ABTB3: variants seen among roughly 807,000 people sequenced by gnomAD.
ABTB3 encodes the protein ankyrin repeat- and BTB/POZ domain-containing protein 3.
the ABTB3 span, among the ~76,000 whole-genome samples, chr12:107,573,823 C>A: frequency 6.6e-6 from 1 of 152,054 alleles, no homozygotes; most frequent in African/African-American, 2.4e-5. Context: ...CGGATGAGGC[C>A]CACCCATGTT....
the ABTB3 span, among the ~76,000 whole-genome samples, chr12:107,655,258 T>TATATAC: frequency 7.1e-6 from 1 of 141,470 alleles, no homozygotes; most frequent in South Asian, 2.1e-4. Context: ...CTCTTTCAAA[T>TATATAC]ATATATATAT....
chr12:107,354,697 A>G, the ABTB3 span, among the ~76,000 whole-genome samples: 1 of 152,164 alleles, frequency 6.6e-6, no homozygotes, highest in Admixed American at 6.5e-5. Flanking sequence ...AAGCGGTTGC[A>G]CCTTTTACAG....
the ABTB3 span, among the ~76,000 whole-genome samples, chr12:107,654,430 C>G: frequency 6.6e-6 from 1 of 152,178 alleles, no homozygotes; most frequent in Non-Finnish European, 1.5e-5. Flanking sequence ...TCCCAAGTAG[C>G]TGGGACCACA....
the ABTB3 span, among the ~76,000 whole-genome samples, chr12:107,637,667 A>G: frequency 1.3e-5 from 2 of 152,184 alleles, no homozygotes; most frequent in Admixed American, 6.5e-5. Context: ...ATGATCAGTG[A>G]CAAGGATCTC....
the ABTB3 span, among the ~76,000 whole-genome samples, chr12:107,427,810 G>T: frequency 1.3e-5 from 2 of 152,160 alleles, no homozygotes; most frequent in African/African-American, 4.8e-5. Flanking sequence ...AATGCTGACC[G>T]TCAAAATGGA....
the ABTB3 span, among the ~76,000 whole-genome samples, chr12:107,553,847 C>A: frequency 1.3e-5 from 2 of 152,052 alleles, no homozygotes; most frequent in African/African-American, 4.8e-5. Context: ...GGCTGAGGCA[C>A]AAGAATCACT....
the ABTB3 span, among the ~76,000 whole-genome samples, chr12:107,444,256 C>T: frequency 6.6e-6 from 1 of 152,202 alleles, no homozygotes; most frequent in African/African-American, 2.4e-5. Context: ...ACAGCATAGC[C>T]GAGGGGCTTA....
chr12:107,497,629 A>T, the ABTB3 span, among the ~76,000 whole-genome samples: 2 of 152,168 alleles, frequency 1.3e-5, no homozygotes, highest in African/African-American at 4.8e-5. Context: ...ACCTGACACT[A>T]AGAAGGTTTT....
At chr12:107,617,064 C>T in the ABTB3 span, 2 of 1,610,752 alleles carry the variant, frequency 1.2e-6, no homozygotes, top group South Asian at 1.1e-5. Context: ...CTCTCACCGT[C>T]TCAATGGCCG....
chr12:107,612,952 A>G, the ABTB3 span: 2 of 1,310,486 alleles, frequency 1.5e-6, no homozygotes, highest in African/African-American at 2.9e-5. Flanking sequence ...TTTTCTCCCA[A>G]GAGCTGCCAC....
chr12:107,635,651 C>T, the ABTB3 span, among the ~76,000 whole-genome samples: 1 of 152,080 alleles, frequency 6.6e-6, no homozygotes, highest in South Asian at 2.1e-4. Flanking sequence ...TGCCAAAGGC[C>T]TCCTGATTCC....
chr12:107,552,947 C>T, the ABTB3 span, among the ~76,000 whole-genome samples: 338 of 152,324 alleles, frequency 2.2e-3, 2 homozygotes, highest in Non-Finnish European at 3.4e-3. Flanking sequence ...GGGCCTGAAA[C>T]CTAGGTGTTC....
At chr12:107,639,402 G>A in the ABTB3 span, among the ~76,000 whole-genome samples, 1 of 152,148 alleles carries the variant, frequency 6.6e-6, no homozygotes, top group East Asian at 1.9e-4. Context: ...CAGTGAGGTG[G>A]GTCATCAGAT....
the ABTB3 span, among the ~76,000 whole-genome samples, chr12:107,609,719 C>T: frequency 1.3e-5 from 2 of 152,254 alleles, no homozygotes; most frequent in East Asian, 1.9e-4. Flanking sequence ...GACAGGGGGA[C>T]GGTAGATAAA....
At chr12:107,496,176 G>T in the ABTB3 span, among the ~76,000 whole-genome samples, 1 of 152,148 alleles carries the variant, frequency 6.6e-6, no homozygotes, top group African/African-American at 2.4e-5. Flanking sequence ...CATGAATGCA[G>T]CGGTCAAGGT....
the ABTB3 span, among the ~76,000 whole-genome samples, chr12:107,537,195 T>A: frequency 2.0e-5 from 3 of 151,968 alleles, no homozygotes; most frequent in East Asian, 5.8e-4. Flanking sequence ...CCCATAGAAG[T>A]AGAGACTAAC....
the ABTB3 span, chr12:107,617,071 G>A: frequency 1.4e-5 from 23 of 1,612,842 alleles, no homozygotes; most frequent in Non-Finnish European, 1.9e-5. Context: ...CGTCTCAATG[G>A]CCGCTCTTCC....
the ABTB3 span, among the ~76,000 whole-genome samples, chr12:107,384,519 G>A: frequency 2.6e-5 from 4 of 152,342 alleles, no homozygotes; most frequent in Non-Finnish European, 5.9e-5. Context: ...GAGACTCTAA[G>A]AGGTGCCCGA....
At chr12:107,348,768 A>C in the ABTB3 span, among the ~76,000 whole-genome samples, 1 of 152,182 alleles carries the variant, frequency 6.6e-6, no homozygotes, top group Non-Finnish European at 1.5e-5. Context: ...TCTGTGACAG[A>C]GACCAGCAAT....
Sources: gnomAD v4.1 joint callset for allele counts (sites outside exome capture counted in the v4.1 genomes callset) on GRCh38, gnomAD v4.1.1 for gene constraint, MANE v1.5 for transcripts, NCBI Gene and HGNC (gene_info 2026-07-23, HGNC 2026-07-21) for gene names.